The following MAP4 variants were observed in gnomAD, a reference collection of about 807,000 sequenced individuals.
The protein encoded by MAP4 is microtubule-associated protein 4.
Under a neutral mutation model 170.2 loss-of-function variants are expected in MAP4, and 76 were observed. That is an observed-to-expected ratio of 0.45 (90% CI 0.37 to 0.54). MAP4 has a LOEUF of 0.54. Among genes scored for constraint, MAP4 ranks in the 20% least tolerant of loss-of-function variants. MAP4 has a pLI of 0.00. For synonymous variants in MAP4, 909 were observed against 994.5 expected (o/e 0.91, Z 1.62); for missense variants, 2,506 against 2,748.0 (o/e 0.91, Z 1.97).
intron 1 of MAP4, among the ~76,000 whole-genome samples, chr3:48,005,460 T>TA (rs760633563): frequency 1.3e-5 from 2 of 152,168 alleles, no homozygotes; most frequent in Non-Finnish European, 2.9e-5. Flanking sequence ...GGAAGGAACA[T>TA]AGAGTTGGAT....
intron 3 of MAP4, among the ~76,000 whole-genome samples, chr3:47,966,737 C>T (rs72925430): frequency 6.6e-6 from 1 of 152,266 alleles, no homozygotes; most frequent in African/African-American, 2.4e-5. Context: ...TTGAAAACAC[C>T]ATCCTTTCCC....
intron 3 of MAP4, among the ~76,000 whole-genome samples, chr3:47,967,856 G>C (rs1163137886): frequency 2.0e-5 from 3 of 151,992 alleles, no homozygotes; most frequent in African/African-American, 7.3e-5. Context: ...CTAGCTACTT[G>C]GGAAACTGAG....
At chr3:47,940,141 A>C (rs1055499116) in intron 3 of MAP4, among the ~76,000 whole-genome samples, 1 of 152,102 alleles carries the variant, frequency 6.6e-6, no homozygotes, top group African/African-American at 2.4e-5. Flanking sequence ...CCTGGCCCAA[A>C]TCTGGTTTTA....
At chr3:47,885,594 A>T (rs953651012) in intron 10 of MAP4, among the ~76,000 whole-genome samples, 2 of 152,154 alleles carry the variant, frequency 1.3e-5, no homozygotes, top group Admixed American at 1.3e-4. Context: ...AGGTTTTTGT[A>T]ATGGAGAGCA....
chr3:48,044,818 G>A (rs978345576), intron 1 of MAP4, among the ~76,000 whole-genome samples: 2 of 151,198 alleles, frequency 1.3e-5, no homozygotes, highest in African/African-American at 4.9e-5. Flanking sequence ...GGGTGGTGGT[G>A]AGCACCTGTA....
intron 12 of MAP4, 44 bp from the exon 13 acceptor site, chr3:47,872,144 G>A: frequency 6.7e-7 from 1 of 1,500,446 alleles, no homozygotes; most frequent in Non-Finnish European, 9.1e-7. Flanking sequence ...GTCAGCAATA[G>A]CCCCAAGGAG....
At chr3:48,086,413 C>A (rs2100149062) in intron 1 of MAP4, among the ~76,000 whole-genome samples, 1 of 152,122 alleles carries the variant, frequency 6.6e-6, no homozygotes, top group African/African-American at 2.4e-5. Flanking sequence ...CCAAAGCAGG[C>A]GGATCACTTG....
chr3:47,958,471 T>C (rs973271966), intron 3 of MAP4, among the ~76,000 whole-genome samples: 1 of 152,146 alleles, frequency 6.6e-6, no homozygotes, highest in Admixed American at 6.5e-5. Context: ...ATTCTAACCA[T>C]TTTCTTCTTT....
At chr3:48,078,717 A>G (rs2100145100) in intron 1 of MAP4, among the ~76,000 whole-genome samples, 1 of 152,016 alleles carries the variant, frequency 6.6e-6, no homozygotes, top group South Asian at 2.1e-4. Context: ...CCAAAGCAAC[A>G]CACTCACTAC....
intron 1 of MAP4, among the ~76,000 whole-genome samples, chr3:48,086,334 T>C (rs1297755967): frequency 6.6e-6 from 1 of 151,236 alleles, no homozygotes; most frequent in Non-Finnish European, 1.5e-5. Context: ...AAAAATAAAA[T>C]AGAATAAAAT....
At chr3:47,987,437 G>A (rs1174769688) in intron 2 of MAP4, 2 of 1,523,500 alleles carry the variant, frequency 1.3e-6, no homozygotes, top group Non-Finnish European at 1.8e-6. Context: ...GGGAGGTCTA[G>A]AAGGGAAAGG....
intron 5 of MAP4, among the ~76,000 whole-genome samples, chr3:47,919,302 A>C (rs1290396112): frequency 2.0e-5 from 3 of 151,736 alleles, no homozygotes; most frequent in African/African-American, 7.3e-5. Flanking sequence ...AAAACAATGC[A>C]AAAAAAGTTT....
At chr3:47,999,334 T>C (rs1471560709) in intron 1 of MAP4, among the ~76,000 whole-genome samples, 1 of 152,042 alleles carries the variant, frequency 6.6e-6, no homozygotes, top group African/African-American at 2.4e-5. Flanking sequence ...TGCTTCTTCA[T>C]GAATCACTTG....
At chr3:47,904,461 G>A (rs115337546) in intron 9 of MAP4, among the ~76,000 whole-genome samples, 138 of 151,768 alleles carry the variant, frequency 9.1e-4, no homozygotes, top group African/African-American at 3.3e-3. Context: ...ACAGGCGTGC[G>A]CTGTCATACC....
At chr3:47,907,781 C>CA (rs1314861849) in intron 9 of MAP4, among the ~76,000 whole-genome samples, 1 of 152,208 alleles carries the variant, frequency 6.6e-6, no homozygotes, top group Non-Finnish European at 1.5e-5. Flanking sequence ...CTGGAAATCT[C>CA]AATGAATGCT....
chr3:47,854,273 C>T (rs560354321), intron 19 of MAP4, among the ~76,000 whole-genome samples: 26 of 152,326 alleles, frequency 1.7e-4, no homozygotes, highest in Admixed American at 1.5e-3. Flanking sequence ...CCCACTGAGA[C>T]GGGCGTGAGA....
intron 1 of MAP4, among the ~76,000 whole-genome samples, chr3:48,059,827 A>C (rs1467522679): frequency 2.0e-5 from 3 of 152,128 alleles, no homozygotes; most frequent in Admixed American, 2.0e-4. Context: ...CTAAAATACA[A>C]AAAATTAGCC....
intron 3 of MAP4, 121 bp downstream of exon 3, chr3:47,977,744 C>T (rs771321818): frequency 7.5e-6 from 5 of 667,852 alleles, no homozygotes; most frequent in African/African-American, 1.8e-5. Flanking sequence ...CCAACAAGAA[C>T]ACTACCACCC....
At chr3:48,046,244 C>A (rs1226858980) in intron 1 of MAP4, among the ~76,000 whole-genome samples, 1 of 152,148 alleles carries the variant, frequency 6.6e-6, no homozygotes, top group Non-Finnish European at 1.5e-5. Context: ...TTAACTATCA[C>A]ATAGATTTAT....
Sources: allele counts gnomAD v4.1 joint callset (sites outside exome capture counted in the v4.1 genomes callset), GRCh38; gene constraint gnomAD v4.1.1; transcripts MANE v1.5; gene names NCBI Gene and HGNC (gene_info 2026-07-23, HGNC 2026-07-21).